The following CLNK variants were observed in gnomAD, a reference collection of about 807,000 sequenced individuals.
CLNK encodes the protein cytokine dependent hematopoietic cell linker.
CLNK carries 74 observed loss-of-function variants against 68.6 expected under a neutral mutation model. The ratio of observed to expected loss-of-function variants is 1.08; its 90% CI spans 0.89 to 1.31. CLNK has a LOEUF of 1.31. CLNK is among the 50% of genes most tolerant of loss of function. The pLI, the probability that CLNK is intolerant of heterozygous loss-of-function variation, is 0.00. For missense variants in CLNK, 553 were observed against 515.3 expected (o/e 1.07, Z -0.71); for synonymous variants, 198 against 172.2 (o/e 1.15, Z -1.17).
the CLNK span, among the ~76,000 whole-genome samples, chr4:10,715,347 C>T: frequency 1.3e-5 from 2 of 152,178 alleles, no homozygotes; most frequent in Non-Finnish European, 2.9e-5. Context: ...GCTTCCACCC[C>T]GCCCCATCAT....
chr4:10,628,243 A>G (rs915745236), intron 2 of CLNK, among the ~76,000 whole-genome samples: 4 of 151,672 alleles, frequency 2.6e-5, no homozygotes, highest in African/African-American at 9.7e-5. Flanking sequence ...GCTTATCTCA[A>G]TGTTTCTCCC....
intron 2 of CLNK, among the ~76,000 whole-genome samples, chr4:10,650,638 C>T (rs6822578): frequency 1.3e-5 from 2 of 151,932 alleles, no homozygotes; most frequent in African/African-American, 4.8e-5. Context: ...CTAATAAATT[C>T]TAATGAAGTT....
chr4:10,523,419 T>G (rs1283333262), intron 14 of CLNK, among the ~76,000 whole-genome samples: 1 of 152,096 alleles, frequency 6.6e-6, no homozygotes, highest in Non-Finnish European at 1.5e-5. Context: ...GGGGTTGAAG[T>G]TTGATGCTGG....
the CLNK span, among the ~76,000 whole-genome samples, chr4:10,700,983 T>G: frequency 6.6e-6 from 1 of 152,192 alleles, no homozygotes; most frequent in Non-Finnish European, 1.5e-5. Flanking sequence ...ACGACTAAAT[T>G]GCTGGAAAAT....
At chr4:10,515,859 TA>T (rs975584828) in intron 15 of CLNK, among the ~76,000 whole-genome samples, 3 of 152,184 alleles carry the variant, frequency 2.0e-5, no homozygotes. Flanking sequence ...CCTGCCTGGA[TA>T]AAAGGTAAAT....
the CLNK span, among the ~76,000 whole-genome samples, chr4:10,733,126 C>G: frequency 6.6e-6 from 1 of 152,122 alleles, no homozygotes; most frequent in Non-Finnish European, 1.5e-5. Context: ...TTTATTTCCC[C>G]TATCCCCAGG....
intron 2 of CLNK, among the ~76,000 whole-genome samples, chr4:10,601,810 A>G (rs1013298658): frequency 6.6e-6 from 1 of 152,196 alleles, no homozygotes; most frequent in African/African-American, 2.4e-5. Flanking sequence ...ATGAATCACA[A>G]AAGCTTTTTA....
intron 2 of CLNK, among the ~76,000 whole-genome samples, chr4:10,631,376 A>G (rs897209216): frequency 1.3e-4 from 20 of 152,368 alleles, no homozygotes; most frequent in African/African-American, 4.8e-4. Context: ...TGGAAACCAG[A>G]GATAGGTGGG....
At chr4:10,629,199 G>A (rs1290777780) in intron 2 of CLNK, among the ~76,000 whole-genome samples, 19 of 152,070 alleles carry the variant, frequency 1.2e-4, no homozygotes, top group Admixed American at 1.2e-3. Context: ...CTAAAGCTAT[G>A]GTCAGATACA....
At chr4:10,666,984 C>T (rs894715369) in intron 2 of CLNK, among the ~76,000 whole-genome samples, 23 of 152,220 alleles carry the variant, frequency 1.5e-4, no homozygotes, top group African/African-American at 5.5e-4. Flanking sequence ...TTGCAGTCCC[C>T]TAGCCTCCCG....
chr4:10,636,782 C>G (rs1054880796), intron 2 of CLNK, among the ~76,000 whole-genome samples: 1 of 152,174 alleles, frequency 6.6e-6, no homozygotes, highest in Non-Finnish European at 1.5e-5. Flanking sequence ...ATGGAGGTTG[C>G]CTTCTAAAGG....
chr4:10,690,026 TCATGTC>T, the CLNK span, among the ~76,000 whole-genome samples: 1 of 152,100 alleles, frequency 6.6e-6, no homozygotes, highest in Non-Finnish European at 1.5e-5. Context: ...TGAGCTGAAG[TCATGTC>T]CTCTGCTGGA....
chr4:10,607,777 A>G (rs1721843833), intron 2 of CLNK, among the ~76,000 whole-genome samples: 1 of 152,172 alleles, frequency 6.6e-6, no homozygotes, highest in Admixed American at 6.5e-5. Flanking sequence ...GCTGAATAGG[A>G]CTGAGGGCTT....
chr4:10,700,148 T>C, the CLNK span, among the ~76,000 whole-genome samples: 1 of 152,076 alleles, frequency 6.6e-6, no homozygotes, highest in African/African-American at 2.4e-5. Context: ...TGGCTAGCTA[T>C]GGAATAAGGC....
the CLNK span, among the ~76,000 whole-genome samples, chr4:10,727,326 G>A: frequency 1.3e-5 from 2 of 152,306 alleles, no homozygotes; most frequent in South Asian, 2.1e-4. Context: ...CTTGAGAGTC[G>A]TGGAAAATTC....
the CLNK span, among the ~76,000 whole-genome samples, chr4:10,700,765 A>G: frequency 0.11 from 15,980 of 152,106 alleles, 944 homozygotes; most frequent in South Asian, 0.18. Flanking sequence ...AAAAATCCCT[A>G]TGTCTTTCAT....
At chr4:10,631,166 G>A (rs1280071856) in intron 2 of CLNK, among the ~76,000 whole-genome samples, 1 of 152,156 alleles carries the variant, frequency 6.6e-6, no homozygotes, top group Non-Finnish European at 1.5e-5. Flanking sequence ...TAAATATGGT[G>A]AGGTCAGCCC....
intron 15 of CLNK, among the ~76,000 whole-genome samples, chr4:10,518,362 C>T (rs1717923522): frequency 6.6e-6 from 1 of 152,108 alleles, no homozygotes; most frequent in African/African-American, 2.4e-5. Flanking sequence ...CCTGTTGTAA[C>T]TTAAAATAAA....
the CLNK span, among the ~76,000 whole-genome samples, chr4:10,721,603 A>G: frequency 2.0e-5 from 3 of 152,210 alleles, no homozygotes; most frequent in South Asian, 6.2e-4. Flanking sequence ...TTGCTGATGA[A>G]GTCAATTTGT....
Sources: gnomAD v4.1 joint callset for allele counts (sites outside exome capture counted in the v4.1 genomes callset) on GRCh38, gnomAD v4.1.1 for gene constraint, MANE v1.5 for transcripts, NCBI Gene and HGNC (gene_info 2026-07-23, HGNC 2026-07-21) for gene names.